Variants in MLLT3 observed in about 807,000 individuals in gnomAD.
MLLT3 encodes MLLT3 super elongation complex subunit.
In MLLT3, 4 loss-of-function variants were observed where a neutral mutation model predicts 53.2. The ratio of observed to expected loss-of-function variants is 0.08; its 90% CI spans 0.04 to 0.17. The LOEUF is 0.17. MLLT3 is among the 10% of genes least tolerant of loss of function. MLLT3 has a pLI of 1.00. For missense variants in MLLT3, 569 were observed against 684.0 expected, an observed-to-expected ratio of 0.83 and a Z score of 1.87; for synonymous variants, 283 against 230.6, an observed-to-expected ratio of 1.23 and a Z score of -2.06.
intron 4 of MLLT3, among the ~76,000 whole-genome samples, chr9:20,414,739 T>C (rs1194744033): frequency 1.3e-5 from 2 of 152,170 alleles, no homozygotes; most frequent in Non-Finnish European, 2.9e-5. Flanking sequence ...CAAGGATGAA[T>C]AACACATGGA....
chr9:20,393,919 T>G (rs896888485), intron 5 of MLLT3, among the ~76,000 whole-genome samples: 1 of 152,208 alleles, frequency 6.6e-6, no homozygotes, highest in African/African-American at 2.4e-5. Flanking sequence ...TTCTGATTAT[T>G]TGATACTTGT....
Position 20,455,964 on chromosome 9 carries a change from A to T in MLLT3, c.276+740T>A, listed in dbSNP as rs1322151705. Among the ~76,000 whole-genome samples, 5 of 132,222 alleles carry T rather than the reference A, an allele frequency of 3.8e-5. No individual in the cohort carries two copies. In the East Asian group the frequency reaches 1.1e-3, roughly 29 times the overall value. The allele number at this position is 132,222 out of a possible 152,430, so 86.7% of individuals were successfully genotyped here. A position where few individuals can be genotyped will look rare whatever the true frequency, so the allele number is the denominator to read the frequency against. On this transcript the variant is annotated intron_variant, in intron 3 of 10. Transcript: ENST00000380338. ...TTTTTTTTTTTGAGAAAAATAATGG[A>T]GCCTCACTCTGTCACCCAGGCTGGA...
At chr9:20,474,744 C>T (rs1270241578) in intron 2 of MLLT3, among the ~76,000 whole-genome samples, 1 of 152,078 alleles carries the variant, frequency 6.6e-6, no homozygotes, top group East Asian at 1.9e-4. Flanking sequence ...GCAATTTTCT[C>T]CCACAGCTAC....
intron 5 of MLLT3, among the ~76,000 whole-genome samples, chr9:20,377,012 CAT>C (rs1821782988): frequency 6.6e-6 from 1 of 152,166 alleles, no homozygotes; most frequent in Non-Finnish European, 1.5e-5. Context: ...ATGCCAAAGA[CAT>C]ATGTTTTAGC....
At chr9:20,583,714 T>C (rs552463673) in intron 2 of MLLT3, among the ~76,000 whole-genome samples, 181 of 152,136 alleles carry the variant, frequency 1.2e-3, no homozygotes, top group Non-Finnish European at 2.2e-3. Context: ...CTTTCAGCCA[T>C]GGCTGGAGCA....
chr9:20,510,878 T>A (rs1028804681), intron 2 of MLLT3, among the ~76,000 whole-genome samples: 5 of 152,180 alleles, frequency 3.3e-5, no homozygotes, highest in African/African-American at 1.2e-4. Context: ...TACTCAAGAA[T>A]GCTTTGCCAT....
chr9:20,377,288 G>A (rs1821791990), intron 5 of MLLT3, among the ~76,000 whole-genome samples: 3 of 152,176 alleles, frequency 2.0e-5, no homozygotes, highest in Admixed American at 2.0e-4. Flanking sequence ...CTCCTGTGCA[G>A]AGCATAAGAA....
rs1057312110 is a variant in MLLT3, at chr9:20,343,358, C to A, written c.*3085G>T. 3 of 211,106 alleles carry A rather than the reference C, an allele frequency of 1.4e-5. No individual in the cohort carries two copies. In the East Asian group the frequency reaches 2.1e-4, roughly 15 times the overall value. The allele number at this position is 211,106 out of a possible 1,614,324, so 13.1% of individuals were successfully genotyped here. ...TCTTAAGAGATATTTTTTTCCTGATCTGAAGTTTTTATAGTCTTCCCTACC... is the reference window on the plus strand; with the variant it reads ...TCTTAAGAGATATTTTTTTCCTGATATGAAGTTTTTATAGTCTTCCCTACC... On this transcript the variant is annotated 3_prime_UTR_variant, in exon 11 of 11. Transcript: ENST00000380338.
rs1374872734 is a variant in MLLT3 at position 20,413,928 on chromosome 9, T to C, written c.918A>G (p.Leu306=). ...GTGGTGCGCTAGAAAAACTTTTAAATAAAGCCTCTGAGCTACTCTTTTTCC... is the reference window on the plus strand; with the variant it reads ...GTGGTGCGCTAGAAAAACTTTTAAACAAAGCCTCTGAGCTACTCTTTTTCC... ...KKRKKSSSEA[L]FKSFSSAPPL... is the part of the protein sequence containing the mutation. The change falls in exon 5 of 11, where the codon TTA becomes TTG. Residue 306 remains leucine, a synonymous_variant. Coordinates refer to ENST00000380338, the MANE Select transcript of MLLT3 (RefSeq NM_004529.4). 5 of 1,613,480 alleles carry C rather than the reference T, an allele frequency of 3.1e-6. No homozygotes were observed. The highest frequency in any genetic ancestry group is 4.2e-6 in the Non-Finnish European group (5 of 1,179,892).
At chr9:20,382,967 A>G (rs1413933911) in intron 5 of MLLT3, among the ~76,000 whole-genome samples, 3 of 152,012 alleles carry the variant, frequency 2.0e-5, no homozygotes, top group African/African-American at 7.2e-5. Flanking sequence ...AACAGGGTAA[A>G]GTCACTATAG....
chr9:20,526,895 T>C (rs1030058060), intron 2 of MLLT3, among the ~76,000 whole-genome samples: 1 of 152,188 alleles, frequency 6.6e-6, no homozygotes, highest in African/African-American at 2.4e-5. Flanking sequence ...CTAATGAGGC[T>C]AGGCACCTTT....
chr9:20,345,553 T>G lies in MLLT3; in HGVS notation c.*890A>C, dbSNP rs1820844723. The G allele has an allele frequency of 4.9e-6, 1 of 202,540 alleles. No individual in the cohort carries two copies. The highest frequency in any genetic ancestry group is 1.9e-4 in the South Asian group (1 of 5,212). 12.5% of individuals were successfully genotyped at this position (202,540 alleles called of 1,614,324 possible). On this transcript the variant is annotated 3_prime_UTR_variant, in exon 11 of 11. Transcript: ENST00000380338. Reference sequence around the variant, plus strand: ...CTTTACTTCCATATTCACCTAATATTGTAACAGTAAAACAGACACAAGAAT... The same window carrying G: ...CTTTACTTCCATATTCACCTAATATGGTAACAGTAAAACAGACACAAGAAT...
At chr9:20,407,794 C>T (rs1822623200) in intron 5 of MLLT3, among the ~76,000 whole-genome samples, 1 of 152,036 alleles carries the variant, frequency 6.6e-6, no homozygotes, top group Non-Finnish European at 1.5e-5. Context: ...TTTCACAGAG[C>T]TGTCTCGAGG....
chr9:20,450,071 A>C (rs576263874), intron 3 of MLLT3, among the ~76,000 whole-genome samples: 2 of 152,320 alleles, frequency 1.3e-5, no homozygotes, highest in Non-Finnish European at 2.9e-5. Context: ...AGTTACCTTC[A>C]TATGTGTCTT....
chr9:20,350,538 T>G (rs1352953890), intron 10 of MLLT3, among the ~76,000 whole-genome samples: 2 of 140,944 alleles, frequency 1.4e-5, no homozygotes, highest in Non-Finnish European at 3.0e-5. Flanking sequence ...GAGCTTGCAG[T>G]GAGCCGAGAT....
intron 4 of MLLT3, among the ~76,000 whole-genome samples, chr9:20,421,319 A>C (rs756115045): frequency 5.9e-5 from 9 of 152,080 alleles, no homozygotes; most frequent in Non-Finnish European, 1.0e-4. Flanking sequence ...GAAAACAATG[A>C]AAATAGCACT....
chr9:20,578,509 C>CT (rs1299451900), intron 2 of MLLT3, among the ~76,000 whole-genome samples: 2 of 150,642 alleles, frequency 1.3e-5, no homozygotes, highest in Non-Finnish European at 3.0e-5. Context: ...AACTACGTCT[C>CT]TAAAAAAAAA....
chr9:20,620,110 T>C lies in MLLT3; in HGVS notation c.193+544A>G, dbSNP rs893920207. On this transcript the variant is annotated intron_variant, in intron 2 of 10. Transcript: ENST00000380338. The surrounding 1 kb of genome is among the most constrained non-coding windows in gnomAD (Gnocchi z 6.1). ...GCTAAGCCACAAAAAGAAAAGTCTA[T>C]GGCAACTGGCACCTGGTGCCTCATA... 6.6e-6 allele frequency among the ~76,000 whole-genome samples: 1 copy of C among 152,014 alleles called. No homozygotes were observed. The highest frequency in any genetic ancestry group is 2.4e-5 in the African/African-American group (1 of 41,394).
chr9:20,354,682 T>G (rs552241006), intron 9 of MLLT3, 126 bp downstream of exon 9: 2 of 661,978 alleles, frequency 3.0e-6, no homozygotes, highest in East Asian at 2.7e-5. Context: ...TACTCATCAT[T>G]TGGGCATCTT....
Sources: gnomAD v4.1 joint callset for allele counts (sites outside exome capture counted in the v4.1 genomes callset) on GRCh38, gnomAD v4.1.1 for gene constraint, Gnocchi (gnomAD v3.1) non-coding constraint, MANE v1.5 for transcripts, NCBI Gene and HGNC (gene_info 2026-07-23, HGNC 2026-07-21) for gene names.